Variants in MYO3A observed in about 807,000 individuals in gnomAD.
MYO3A encodes myosin IIIA.
A neutral mutation model predicts 192.7 loss-of-function variants in MYO3A; 180 were observed. That is an observed-to-expected ratio of 0.93 (90% CI 0.83 to 1.06). The LOEUF is 1.06. MYO3A is among the 50% of genes least tolerant of loss of function. The pLI is 0.00. For missense variants in MYO3A, 1,896 were observed against 1,905.0 expected (o/e 1.00, Z 0.09); for synonymous variants, 628 against 645.3 (o/e 0.97, Z 0.41).
At chr10:25,964,231 T>C (rs1838123338) in intron 4 of MYO3A, among the ~76,000 whole-genome samples, 1 of 152,154 alleles carries the variant, frequency 6.6e-6, no homozygotes. Context: ...GAGCCAATTA[T>C]ATTATACAAC....
At chr10:26,126,171 C>T (rs1030806479) in intron 19 of MYO3A, among the ~76,000 whole-genome samples, 1 of 152,028 alleles carries the variant, frequency 6.6e-6, no homozygotes, top group African/African-American at 2.4e-5. Flanking sequence ...AAGTCTAGAT[C>T]CTTCCTTCTT....
chr10:26,017,908 C>CA (rs1383618607), intron 7 of MYO3A, among the ~76,000 whole-genome samples: 1 of 150,296 alleles, frequency 6.7e-6, no homozygotes, highest in Admixed American at 6.6e-5. Flanking sequence ...TAAAACTTAC[C>CA]AAAAAATTAC....
intron 10 of MYO3A, among the ~76,000 whole-genome samples, chr10:26,057,988 C>T (rs911328633): frequency 6.6e-6 from 1 of 152,186 alleles, no homozygotes; most frequent in Non-Finnish European, 1.5e-5. Flanking sequence ...TGACACATCC[C>T]TATCATCCAG....
At chr10:26,047,006 A>G (rs922803101) in intron 10 of MYO3A, among the ~76,000 whole-genome samples, 7 of 152,216 alleles carry the variant, frequency 4.6e-5, no homozygotes, top group Admixed American at 2.0e-4. Context: ...TGTAATGTAA[A>G]TGTTTCCAAT....
At chr10:26,143,642 A>G in intron 21 of MYO3A, 41 bp downstream of exon 21, 1 of 1,605,130 alleles carries the variant, frequency 6.2e-7, no homozygotes, top group Admixed American at 1.7e-5. Flanking sequence ...TTTTATGAAT[A>G]GAGTCTTGTC....
In MYO3A at chr10:26,026,671, A is replaced by G. The variant is rs184675747; in HGVS notation, c.953+139A>G. On this transcript the variant is annotated intron_variant, in intron 10 of 34. Coordinates refer to ENST00000642920, the MANE Select transcript of MYO3A (RefSeq NM_017433.5). Reference sequence around the variant, plus strand: ...ATGAAAAGTGAATGTCACCTGTTGAAATGCCTCTCAATATTGGTAAAATTA... The same window carrying G: ...ATGAAAAGTGAATGTCACCTGTTGAGATGCCTCTCAATATTGGTAAAATTA... 255 of 949,466 alleles carry G rather than the reference A, an allele frequency of 2.7e-4. No homozygotes were observed. The African/African-American group carries it at 3.7e-3, about 14-fold the overall frequency. 58.8% of individuals were successfully genotyped at this position (949,466 alleles called of 1,614,324 possible).
intron 10 of MYO3A, among the ~76,000 whole-genome samples, chr10:26,029,150 G>A (rs1185435306): frequency 1.3e-5 from 2 of 152,148 alleles, no homozygotes; most frequent in Admixed American, 1.3e-4. Context: ...GCACTACACA[G>A]TATTTAGATT....
chr10:26,122,355 T>C (rs376568789), intron 18 of MYO3A, among the ~76,000 whole-genome samples: 1 of 152,284 alleles, frequency 6.6e-6, no homozygotes, highest in East Asian at 1.9e-4. Context: ...GTAGAAACTT[T>C]ATTAATTTAC....
intron 29 of MYO3A, among the ~76,000 whole-genome samples, chr10:26,171,548 A>G (rs1453501730): frequency 1.3e-5 from 2 of 152,146 alleles, no homozygotes; most frequent in Non-Finnish European, 2.9e-5. Context: ...TATTTGAAAA[A>G]CAGGAATGTT....
In MYO3A at chr10:26,120,793, C is replaced by T. The variant is rs769451833; in HGVS notation, c.1894C>T (p.Leu632=). 2.5e-6 allele frequency: 4 copies of T among 1,614,000 alleles called. No homozygotes were observed. In the South Asian group the frequency reaches 4.4e-5, roughly 18 times the overall value. ...DKSHISNHTA[L]ENCASLLCIR... ...GAGCCACATTTCTAATCATACAGCC[C>T]TGGAGAACTGTAAGTTTTATTACCT... is the stretch of plus-strand genomic sequence containing the variant. The change falls in exon 18 of 35, where the codon CTG becomes TTG. Residue 632 remains leucine, a synonymous_variant. Transcript: ENST00000642920.
chr10:25,954,925 G>T lies in MYO3A; in HGVS notation c.220G>T (p.Asp74Tyr). 2 of 1,612,450 alleles carry T rather than the reference G, an allele frequency of 1.2e-6. No homozygotes were observed. The highest frequency in any genetic ancestry group is 2.2e-5 in the South Asian group (2 of 90,994). The change falls in exon 4 of 35, where the codon GAC becomes TAC. Residue 74 changes from aspartate to tyrosine, a missense_variant. Asp to Tyr is a radical substitution (Grantham distance 160). Transcript: ENST00000642920. ...AEYNILKALS[D>Y]HPNVVRFYGI... The stretch of plus-strand genomic sequence containing the variant: ...ATATAACATCTTAAAAGCACTTTCT[G>T]ACCACCCTAATGTGGTCAGATTCTA...
chr10:26,110,147 C>T (rs1305389079), intron 17 of MYO3A, among the ~76,000 whole-genome samples: 1 of 152,166 alleles, frequency 6.6e-6, no homozygotes, highest in Non-Finnish European at 1.5e-5. Flanking sequence ...TCCAACTTGA[C>T]CATCTTCATT....
chr10:26,063,187 G>C (rs1834616746), intron 10 of MYO3A, among the ~76,000 whole-genome samples: 1 of 152,204 alleles, frequency 6.6e-6, no homozygotes, highest in Non-Finnish European at 1.5e-5. Context: ...GCTGGATCTA[G>C]TAGTCAGTGT....
intron 10 of MYO3A, among the ~76,000 whole-genome samples, chr10:26,052,215 C>A (rs78781915): frequency 0.061 from 9,266 of 152,260 alleles, 366 homozygotes; most frequent in Non-Finnish European, 0.088. Flanking sequence ...CATCTACTTT[C>A]ATGTATCACT....
At chr10:26,162,924 G>C (rs560382273) in intron 26 of MYO3A, among the ~76,000 whole-genome samples, 1 of 152,344 alleles carries the variant, frequency 6.6e-6, no homozygotes, top group South Asian at 2.1e-4. Context: ...ATTGAGGAGA[G>C]TTTTTAGAAT....
At chr10:26,039,207 ATTT>A (rs34416918) in intron 10 of MYO3A, among the ~76,000 whole-genome samples, 10,761 of 106,658 alleles carry the variant, frequency 0.1, 240 homozygotes, top group Non-Finnish European at 0.12. Context: ...GGCTCGGCTA[ATTT>A]TTTTTTTTTT....
chr10:25,992,475 T>G (rs201699055), intron 4 of MYO3A, among the ~76,000 whole-genome samples: 1 of 145,750 alleles, frequency 6.9e-6, no homozygotes, highest in Non-Finnish European at 1.5e-5. Flanking sequence ...ATTTGACTTC[T>G]TCTTTCCTAA....
chr10:25,982,125 C>T (rs938627154), intron 4 of MYO3A, among the ~76,000 whole-genome samples: 2 of 152,092 alleles, frequency 1.3e-5, no homozygotes, highest in Non-Finnish European at 2.9e-5. Context: ...TGCCAGCTTA[C>T]CCCCACTTTG....
chr10:26,134,151 G>T (rs1348470383), intron 20 of MYO3A, among the ~76,000 whole-genome samples: 1 of 152,108 alleles, frequency 6.6e-6, no homozygotes, highest in African/African-American at 2.4e-5. Flanking sequence ...TCTGAATAAG[G>T]AAGCTGCTGT....
Sources: gnomAD v4.1 joint callset for allele counts (sites outside exome capture counted in the v4.1 genomes callset) on GRCh38, gnomAD v4.1.1 for gene constraint, MANE v1.5 for transcripts, NCBI Gene and HGNC (gene_info 2026-07-23, HGNC 2026-07-21) for gene names.